DHRSX: variants seen among roughly 807,000 people sequenced by gnomAD.
DHRSX encodes the protein polyprenol dehydrogenase.
DHRSX carries 31 observed loss-of-function variants against 34.0 expected under a neutral mutation model. The observed-to-expected ratio is 0.91, with a 90% CI of 0.69 to 1.23. DHRSX has a LOEUF of 1.23. Among genes scored for constraint, DHRSX ranks in the 50% most tolerant of loss-of-function variants. The pLI is 0.00. For synonymous variants in DHRSX, 201 were observed against 183.8 expected, an observed-to-expected ratio of 1.09 and a Z score of -0.76; for missense variants, 414 against 428.1, an observed-to-expected ratio of 0.97 and a Z score of 0.29.
intron 4 of DHRSX, among the ~76,000 whole-genome samples, chrX:2,287,927 C>G (rs1279863814): frequency 6.6e-6 from 1 of 152,024 alleles, no homozygotes; most frequent in Non-Finnish European, 1.5e-5. Context: ...AGTAATAACT[C>G]AAAAGATGAA....
At chrX:2,282,668 G>A (rs1311232009) in intron 4 of DHRSX, among the ~76,000 whole-genome samples, 1 of 140,924 alleles carries the variant, frequency 7.1e-6, no homozygotes, top group Non-Finnish European at 1.5e-5. Context: ...GAGAATGGGA[G>A]AAAAGGAGAG....
intron 3 of DHRSX, among the ~76,000 whole-genome samples, chrX:2,368,700 A>G (rs2043022792): frequency 6.6e-6 from 1 of 152,092 alleles, no homozygotes; most frequent in South Asian, 2.1e-4. Flanking sequence ...AAATACAAAA[A>G]TTAGCCAGGC....
At chrX:2,367,872 A>G (rs2043012390) in intron 3 of DHRSX, among the ~76,000 whole-genome samples, 1 of 152,194 alleles carries the variant, frequency 6.6e-6, no homozygotes, top group Admixed American at 6.5e-5. Context: ...TAGAAGGCAC[A>G]TTGAAGTTCA....
Position 2,245,737 on chromosome X carries a change from C to A in DHRSX, c.597-2507G>T, listed in dbSNP as rs1382038347. ...CTTTGGGAGGCCAAGGCGGGCGGAT[C>A]ACAAGGTCAGGAGTTTGAGACCAGG... is the stretch of plus-strand genomic sequence containing the variant. On this transcript the variant is annotated intron_variant, in intron 5 of 6. Transcript: ENST00000334651. Among the ~76,000 whole-genome samples the A allele has an allele frequency of 2.7e-5, 4 of 148,406 alleles. No individual in the cohort carries two copies. The East Asian group carries it at 8.2e-4, about 30-fold the overall frequency.
At chrX:2,311,552 C>T (rs2042165572) in intron 3 of DHRSX, among the ~76,000 whole-genome samples, 1 of 152,106 alleles carries the variant, frequency 6.6e-6, no homozygotes, top group Non-Finnish European at 1.5e-5. Context: ...AATGAAAGCA[C>T]CATTGACCCA....
At chrX:2,293,850 T>C (rs1205766544) in intron 3 of DHRSX, among the ~76,000 whole-genome samples, 1 of 152,148 alleles carries the variant, frequency 6.6e-6, no homozygotes, top group Admixed American at 6.6e-5. Context: ...GTGCCCCCCA[T>C]GTCTGCACTG....
intron 3 of DHRSX, among the ~76,000 whole-genome samples, chrX:2,370,007 G>A (rs1031106964): frequency 2.0e-5 from 3 of 151,950 alleles, no homozygotes; most frequent in East Asian, 1.9e-4. Context: ...CAGGAGCTCC[G>A]GGTTCATGAC....
chrX:2,346,938 T>TG (rs1054682241), intron 3 of DHRSX, among the ~76,000 whole-genome samples: 2 of 152,186 alleles, frequency 1.3e-5, no homozygotes, highest in African/African-American at 4.8e-5. Context: ...CTGAGAATGA[T>TG]GGTTTCCAGC....
At chrX:2,474,366 A>G (rs922404625) in intron 1 of DHRSX, among the ~76,000 whole-genome samples, 1 of 152,130 alleles carries the variant, frequency 6.6e-6, no homozygotes, top group African/African-American at 2.4e-5. Flanking sequence ...GAATGGGGCC[A>G]AGGGACCACT....
chrX:2,410,337 G>C (rs1162541048), intron 2 of DHRSX, among the ~76,000 whole-genome samples: 1 of 152,104 alleles, frequency 6.6e-6, no homozygotes, highest in African/African-American at 2.4e-5. Context: ...CAGGGGAAGC[G>C]CACAGGCTTG....
chrX:2,236,120 A>AAAAT (rs1377730100), intron 6 of DHRSX, among the ~76,000 whole-genome samples: 5 of 152,028 alleles, frequency 3.3e-5, no homozygotes, highest in African/African-American at 1.2e-4. Context: ...TCAAAGAAAA[A>AAAAT]AAATAAATAA....
At position 2,250,161 on chromosome X, in the gene DHRSX, C is replaced by CAAA. The variant is rs1036532155; in HGVS notation, c.597-6934_597-6932dup. Among the ~76,000 whole-genome samples the CAAA allele has an allele frequency of 1.7e-3, 176 of 101,696 alleles. 2 individuals carry two copies. The highest frequency in any genetic ancestry group is 5.0e-3 in the Middle Eastern group (1 of 200). 66.7% of individuals were successfully genotyped at this position (101,696 alleles called of 152,430 possible). A position where few individuals can be genotyped will look rare whatever the true frequency, so the allele number is the denominator to read the frequency against. On this transcript the variant is annotated intron_variant, in intron 5 of 6. Coordinates refer to ENST00000334651, the MANE Select transcript of DHRSX (RefSeq NM_145177.3). Reference sequence around the variant, plus strand: ...TGGGCAACAGAGTGAGACTCCATCTCAAAAAAAAAAAAAAAAAAAATTAAG... The same window carrying CAAA: ...TGGGCAACAGAGTGAGACTCCATCTCAAAAAAAAAAAAAAAAAAAAAAATTAAG...
At chrX:2,480,323 G>A (rs1463726518) in intron 1 of DHRSX, among the ~76,000 whole-genome samples, 6 of 150,460 alleles carry the variant, frequency 4.0e-5, no homozygotes, top group East Asian at 1.9e-4. Flanking sequence ...ACGCATAAAC[G>A]CAGAGAGTGC....
chrX:2,276,580 T>C (rs1258542049), intron 4 of DHRSX, among the ~76,000 whole-genome samples: 1 of 152,060 alleles, frequency 6.6e-6, no homozygotes, highest in Non-Finnish European at 1.5e-5. Flanking sequence ...GGCATTTTAC[T>C]GGGGAGTGAA....
At chrX:2,231,455 CTT>C (rs916145384) in intron 6 of DHRSX, among the ~76,000 whole-genome samples, 5 of 148,936 alleles carry the variant, frequency 3.4e-5, no homozygotes, top group African/African-American at 9.9e-5. Flanking sequence ...CTCTATTCCT[CTT>C]TCTCTTCCTC....
chrX:2,411,192 T>A (rs1338084310), intron 2 of DHRSX, among the ~76,000 whole-genome samples: 1 of 152,142 alleles, frequency 6.6e-6, no homozygotes, highest in Non-Finnish European at 1.5e-5. Flanking sequence ...CCCATGAACT[T>A]TTTAAATGTA....
At chrX:2,228,401 A>G (rs1373760520) in intron 6 of DHRSX, among the ~76,000 whole-genome samples, 11 of 2,102 alleles carry the variant, frequency 5.2e-3, no homozygotes, top group Admixed American at 8.4e-3. Flanking sequence ...GGGAGGGAGG[A>G]AGGGAGGGAG....
At chrX:2,322,164 T>G (rs113788262) in intron 3 of DHRSX, among the ~76,000 whole-genome samples, 21,655 of 147,456 alleles carry the variant, frequency 0.15, 2,063 homozygotes, top group Admixed American at 0.22. Flanking sequence ...ATTTTATCAT[T>G]CTTATGCCTT....
chrX:2,464,950 A>C (rs2044469039), intron 1 of DHRSX, among the ~76,000 whole-genome samples: 1 of 150,710 alleles, frequency 6.6e-6, no homozygotes, highest in African/African-American at 2.4e-5. Flanking sequence ...CACTGTGTAA[A>C]TACTTAAGAC....
Sources: gnomAD v4.1 joint callset for allele counts (sites outside exome capture counted in the v4.1 genomes callset) on GRCh38, gnomAD v4.1.1 for gene constraint, MANE v1.5 for transcripts, NCBI Gene and HGNC (gene_info 2026-07-23, HGNC 2026-07-21) for gene names.